SLC20A2: variants seen among roughly 807,000 people sequenced by gnomAD.
SLC20A2 encodes the protein sodium-dependent phosphate transporter 2.
SLC20A2 carries 30 observed loss-of-function variants against 61.0 expected under a neutral mutation model. That is an observed-to-expected ratio of 0.49 (90% CI 0.37 to 0.67). SLC20A2 has a LOEUF of 0.67. SLC20A2 is among the 30% of genes least tolerant of loss of function. The probability of loss-of-function intolerance (pLI) is 0.00; values close to 1 mark genes in which losing one functional copy is unlikely to be tolerated. For missense variants in SLC20A2, 626 were observed against 866.4 expected, an observed-to-expected ratio of 0.72 and a Z score of 3.48; for synonymous variants, 351 against 353.3, an observed-to-expected ratio of 0.99 and a Z score of 0.07.
At chr8:42,516,967 T>C (rs1586251646) in intron 1 of SLC20A2, among the ~76,000 whole-genome samples, 1 of 152,168 alleles carries the variant, frequency 6.6e-6, no homozygotes, top group East Asian at 1.9e-4. Flanking sequence ...TGAGCTACTT[T>C]TCATCTCGTG....
chr8:42,525,200 C>T (rs1172289884), intron 1 of SLC20A2, among the ~76,000 whole-genome samples: 1 of 152,192 alleles, frequency 6.6e-6, no homozygotes, highest in Non-Finnish European at 1.5e-5. Context: ...AGGGAGGCAA[C>T]TCTGGTGACA....
chr8:42,419,785 C>T (rs1288490415), intron 10 of SLC20A2: 8 of 432,522 alleles, frequency 1.8e-5, no homozygotes, highest in East Asian at 3.1e-4. Context: ...GCTAATTAAC[C>T]GACAAAAAGA....
At chr8:42,521,134 G>A (rs1811609267) in intron 1 of SLC20A2, among the ~76,000 whole-genome samples, 1 of 121,332 alleles carries the variant, frequency 8.2e-6, no homozygotes, top group Admixed American at 8.3e-5. Context: ...TGAAAACTTA[G>A]GTCCACAGAA....
intron 1 of SLC20A2, among the ~76,000 whole-genome samples, chr8:42,516,993 A>AC (rs940374665): frequency 3.3e-5 from 5 of 152,210 alleles, no homozygotes; most frequent in African/African-American, 1.2e-4. Flanking sequence ...GAGACCGTCC[A>AC]CCACCCCCCA....
At chr8:42,541,437 C>G (rs1240515866) in intron 1 of SLC20A2, 1 of 147,126 alleles carries the variant, frequency 6.8e-6, no homozygotes, top group Non-Finnish European at 1.5e-5. Flanking sequence ...GGGAAAGGAG[C>G]CCGGCTCCAC....
chr8:42,503,379 T>C (rs1026870179), upstream of SLC20A2, among the ~76,000 whole-genome samples: 7 of 152,194 alleles, frequency 4.6e-5, no homozygotes, highest in African/African-American at 1.4e-4. Flanking sequence ...CGGTGACCTA[T>C]GGGATCTTTA....
At chr8:42,536,783 C>G (rs1812728158) in intron 1 of SLC20A2, among the ~76,000 whole-genome samples, 1 of 152,066 alleles carries the variant, frequency 6.6e-6, no homozygotes, top group African/African-American at 2.4e-5. Flanking sequence ...AATCAAGATT[C>G]TACAAAAAGG....
chr8:42,485,379 C>A (rs1168874736), intron 1 of SLC20A2, among the ~76,000 whole-genome samples: 1 of 152,070 alleles, frequency 6.6e-6, no homozygotes, highest in Non-Finnish European at 1.5e-5. Context: ...CGGTGGCTCA[C>A]GCCTGTAATT....
rs1460221307 is a variant in SLC20A2, at chr8:42,520,045, ACT to A, written c.-265+21774_-265+21775del. The stretch of plus-strand genomic sequence containing the variant: ...TTTTTTTTTTTTAAGACAGAGCCTC[ACT>A]CTGTTGCCTAGGCTGGAGTGTAGTG... On this transcript the variant is annotated intron_variant, in intron 1 of 10. Transcript: ENST00000342228. Among the ~76,000 whole-genome samples the A allele has an allele frequency of 7.9e-5, 9 of 114,170 alleles. No individual in the cohort carries two copies. In the East Asian group the frequency reaches 2.2e-3, roughly 28 times the overall value. 74.9% of individuals were successfully genotyped at this position (114,170 alleles called of 152,430 possible).
chr8:42,440,084 C>CAAAA (rs549433459), intron 6 of SLC20A2, among the ~76,000 whole-genome samples: 1 of 103,134 alleles, frequency 9.7e-6, no homozygotes, highest in East Asian at 2.7e-4. Context: ...GACTCTGTCT[C>CAAAA]AAAAAAAAAA....
At position 42,537,445 on chromosome 8, in the gene SLC20A2, A is replaced by G. The variant is rs1812783231; in HGVS notation, c.-265+4376T>C. ...CAGAAGTGTATAGGAAACCTTTAGT[A>G]ATACCCACATTAAGGTAAATTACTA... On this transcript the variant is annotated intron_variant, in intron 1 of 10. Transcript: ENST00000342228. 3 of 152,264 alleles carry G rather than the reference A, an allele frequency of 2.0e-5. No homozygotes were observed. The South Asian group carries it at 6.2e-4, about 32-fold the overall frequency. 9.4% of individuals were successfully genotyped at this position (152,264 alleles called of 1,614,324 possible).
chr8:42,526,468 T>C (rs867705188), intron 1 of SLC20A2, among the ~76,000 whole-genome samples: 4 of 151,624 alleles, frequency 2.6e-5, no homozygotes, highest in Admixed American at 6.6e-5. Context: ...GGTCAGGAGA[T>C]CGAGACCCTC....
intron 5 of SLC20A2, among the ~76,000 whole-genome samples, chr8:42,452,663 C>G (rs150010206): frequency 0.018 from 2,344 of 129,622 alleles, 17 homozygotes; most frequent in Middle Eastern, 0.028. Flanking sequence ...GAGGAGGAGA[C>G]AGAGATGGAA....
At chr8:42,523,844 T>C (rs1811751857) in intron 1 of SLC20A2, among the ~76,000 whole-genome samples, 2 of 152,210 alleles carry the variant, frequency 1.3e-5, no homozygotes, top group African/African-American at 4.8e-5. Flanking sequence ...CACATTCCCA[T>C]CCGTGGCTTC....
At chr8:42,461,454 C>CTT (rs752764620) in intron 4 of SLC20A2, among the ~76,000 whole-genome samples, 1,874 of 139,004 alleles carry the variant, frequency 0.013, 14 homozygotes, top group Middle Eastern at 0.023. Flanking sequence ...TTTCAAATAT[C>CTT]TTTTTTTTTT....
At chr8:42,486,488 C>T (rs1027699611) in intron 1 of SLC20A2, among the ~76,000 whole-genome samples, 10 of 152,190 alleles carry the variant, frequency 6.6e-5, no homozygotes, top group African/African-American at 1.9e-4. Flanking sequence ...TGAGCTGCCA[C>T]GTCTGCCTTC....
intron 1 of SLC20A2, among the ~76,000 whole-genome samples, chr8:42,498,888 T>A (rs1810133765): frequency 6.6e-6 from 1 of 152,172 alleles, no homozygotes; most frequent in Admixed American, 6.5e-5. Context: ...TAAAACCTCA[T>A]GTGAGGGAAG....
intron 1 of SLC20A2, chr8:42,536,307 T>A (rs938561193): frequency 6.6e-6 from 1 of 152,204 alleles, no homozygotes; most frequent in African/African-American, 2.4e-5. Flanking sequence ...ATAAATGATA[T>A]GATATCCTTC....
At chr8:42,526,735 GTAA>G (rs1218598958) in intron 1 of SLC20A2, among the ~76,000 whole-genome samples, 31 of 151,670 alleles carry the variant, frequency 2.0e-4, no homozygotes, top group Middle Eastern at 3.4e-3. Flanking sequence ...TGAAATTTTG[GTAA>G]TAATAATAAT....
Sources: allele counts gnomAD v4.1 joint callset (sites outside exome capture counted in the v4.1 genomes callset), GRCh38; gene constraint gnomAD v4.1.1; transcripts MANE v1.5; gene names NCBI Gene and HGNC (gene_info 2026-07-23, HGNC 2026-07-21).